The following RREB1 variants were observed in gnomAD, a reference collection of about 807,000 sequenced individuals.
RREB1 encodes ras-responsive element-binding protein 1.
A neutral mutation model predicts 117.8 loss-of-function variants in RREB1; 27 were observed. The ratio of observed to expected loss-of-function variants is 0.23; its 90% CI spans 0.17 to 0.32. The LOEUF (loss-of-function observed/expected upper bound fraction) is 0.32. Among genes scored for constraint, RREB1 ranks in the 10% least tolerant of loss-of-function variants. RREB1 has a pLI of 1.00. For synonymous variants in RREB1, 1,298 were observed against 1,026.7 expected, an observed-to-expected ratio of 1.26 and a Z score of -5.05; for missense variants, 2,577 against 2,378.2, an observed-to-expected ratio of 1.08 and a Z score of -1.74.
chr6:7,151,890 TGA>T, intron 1 of RREB1, among the ~76,000 whole-genome samples: 1 of 152,256 alleles, frequency 6.6e-6, no homozygotes, highest in East Asian at 1.9e-4. Context: ...ACTTATAGTT[TGA>T]GTGTCTCTTG....
chr6:7,245,959 C>A (rs1768987318), intron 11 of RREB1, among the ~76,000 whole-genome samples: 2 of 152,292 alleles, frequency 1.3e-5, no homozygotes, highest in Non-Finnish European at 2.9e-5. Context: ...CAAGACCATG[C>A]TTTGGAGGAT....
At chr6:7,154,163 A>C (rs1251745346) in intron 1 of RREB1, among the ~76,000 whole-genome samples, 1 of 152,230 alleles carries the variant, frequency 6.6e-6, no homozygotes. Context: ...TTCTCTATGC[A>C]CATAAACTAG....
At chr6:7,241,816 G>T (rs1299396196) in intron 11 of RREB1, among the ~76,000 whole-genome samples, 1 of 152,172 alleles carries the variant, frequency 6.6e-6, no homozygotes, top group Non-Finnish European at 1.5e-5. Context: ...GGGTAAGCTG[G>T]TTTGTTCACT....
At chr6:7,118,708 T>A (rs1180288658) in intron 1 of RREB1, among the ~76,000 whole-genome samples, 1 of 152,094 alleles carries the variant, frequency 6.6e-6, no homozygotes, top group African/African-American at 2.4e-5. Context: ...CAACCTCCTG[T>A]CCTGGAGTGT....
intron 1 of RREB1, among the ~76,000 whole-genome samples, chr6:7,135,171 T>A (rs1377137555): frequency 6.6e-6 from 1 of 152,236 alleles, no homozygotes; most frequent in Non-Finnish European, 1.5e-5. Flanking sequence ...GAAAAAGATA[T>A]ACTTCACACC....
chr6:7,206,601 G>A (rs1231617607), intron 6 of RREB1, among the ~76,000 whole-genome samples: 3 of 148,026 alleles, frequency 2.0e-5, no homozygotes, highest in African/African-American at 7.6e-5. Flanking sequence ...ACTTTCAACT[G>A]AGGGTGAGGG....
intron 2 of RREB1, among the ~76,000 whole-genome samples, chr6:7,178,101 C>T (rs1764598611): frequency 6.6e-6 from 1 of 152,060 alleles, no homozygotes; most frequent in Non-Finnish European, 1.5e-5. Context: ...CTCAAGCCAT[C>T]CTCCCACCTC....
intron 1 of RREB1, among the ~76,000 whole-genome samples, chr6:7,110,492 G>GTGTGTGTGTGTGTGTGTGTA (rs1308381623): frequency 8.5e-5 from 13 of 152,210 alleles, no homozygotes; most frequent in South Asian, 2.1e-4. Flanking sequence ...GTGTGTGTGT[G>GTGTGTGTGTGTGTGTGTGTA]TGTGTATGTG....
At chr6:7,175,194 C>T (rs1764440648) in intron 1 of RREB1, among the ~76,000 whole-genome samples, 2 of 151,992 alleles carry the variant, frequency 1.3e-5, no homozygotes, top group Admixed American at 6.6e-5. Flanking sequence ...GAAAACTCCA[C>T]GGGTATTTTT....
rs1192566950 is a variant in RREB1, at chr6:7,231,848, A to G, written c.3749A>G (p.His1250Arg). 4 of 1,613,562 alleles carry G rather than the reference A, an allele frequency of 2.5e-6. No individual in the cohort carries two copies. The highest frequency in any genetic ancestry group is 2.2e-5 in the East Asian group (1 of 44,860). ...TNCLQKITCPHCPRVFPWASS... is the reference protein window; with the variant it reads ...TNCLQKITCPRCPRVFPWASS... ...TGCCTGCAGAAGATCACCTGTCCCC[A>G]CTGTCCCCGGGTTTTCCCTTGGGCC... is the stretch of plus-strand genomic sequence containing the variant. Residue 1250 changes from histidine to arginine, a missense_variant, in exon 10 of 13, where the codon CAC becomes CGC. Physicochemically the swap from His to Arg is conservative, Grantham distance 29 (BLOSUM62 0). Transcript: ENST00000379938.
intron 1 of RREB1, among the ~76,000 whole-genome samples, chr6:7,141,755 C>T (rs1762602747): frequency 1.3e-5 from 2 of 152,340 alleles, no homozygotes; most frequent in South Asian, 2.1e-4. Flanking sequence ...GGTGCAGACA[C>T]TTGCCTGCGG....
chr6:7,166,994 A>G (rs933533605), intron 1 of RREB1, among the ~76,000 whole-genome samples: 3 of 152,186 alleles, frequency 2.0e-5, no homozygotes, highest in African/African-American at 7.2e-5. Context: ...AGATACTTAG[A>G]TTCACTTCAG....
chr6:7,248,486 G>A, intron 12 of RREB1, 25 bp from the exon 13 acceptor site: 1 of 1,608,240 alleles, frequency 6.2e-7, no homozygotes, highest in Non-Finnish European at 8.5e-7. Context: ...TTGGTTAATG[G>A]AAATTCTTTC....
chr6:7,162,359 G>C (rs879392868), intron 1 of RREB1, among the ~76,000 whole-genome samples: 1 of 151,902 alleles, frequency 6.6e-6, no homozygotes, highest in African/African-American at 2.4e-5. Context: ...AGCTTTCTGC[G>C]TGTGGCTGGG....
chr6:7,231,373 G>T lies in RREB1; in HGVS notation c.3274G>T (p.Ala1092Ser). ...LKTKVADPGP[A>S]STGSNTTASD... ...AACCAAGGTGGCGGACCCAGGGCCC[G>T]CAAGCACTGGCAGTAACACCACGGC... Residue 1092 changes from alanine (A) to serine (S), a missense_variant, in exon 10 of 13, where the codon GCA becomes TCA. Transcript: ENST00000379938. The T allele has an allele frequency of 1.2e-6, 2 of 1,613,418 alleles. No homozygotes were observed. Among genetic ancestry groups the T allele is most frequent in the Non-Finnish European group, 1.7e-6 (2 of 1,179,878 alleles).
At chr6:7,188,332 C>T (rs1431214379) in intron 5 of RREB1, among the ~76,000 whole-genome samples, 1 of 151,866 alleles carries the variant, frequency 6.6e-6, no homozygotes, top group Admixed American at 6.6e-5. Context: ...CTCACTGCAA[C>T]CTCTGCCTCC....
intron 1 of RREB1, among the ~76,000 whole-genome samples, chr6:7,134,613 G>T (rs1476731345): frequency 6.6e-6 from 1 of 152,090 alleles, no homozygotes; most frequent in Non-Finnish European, 1.5e-5. Context: ...CGACATTTTA[G>T]TGGCACTTAT....
chr6:7,152,532 T>A (rs1265742243), intron 1 of RREB1, among the ~76,000 whole-genome samples: 1 of 152,250 alleles, frequency 6.6e-6, no homozygotes, highest in African/African-American at 2.4e-5. Flanking sequence ...AGTTTGATTT[T>A]ACAGCTGAGC....
At chr6:7,177,960 T>G (rs1315446727) in intron 2 of RREB1, among the ~76,000 whole-genome samples, 1 of 152,154 alleles carries the variant, frequency 6.6e-6, no homozygotes, top group Non-Finnish European at 1.5e-5. Context: ...TGACCTTAGG[T>G]GATCTGCCTA....
Sources: gnomAD v4.1 joint callset for allele counts (sites outside exome capture counted in the v4.1 genomes callset) on GRCh38, gnomAD v4.1.1 for gene constraint, MANE v1.5 for transcripts, NCBI Gene and HGNC (gene_info 2026-07-23, HGNC 2026-07-21) for gene names.